The following MTFR1 variants were observed in gnomAD, a reference collection of about 807,000 sequenced individuals.
MTFR1 encodes the protein mitochondrial fission regulator 1, also known as chondrocyte protein with a poly-proline region.
A neutral mutation model predicts 38.8 loss-of-function variants in MTFR1; 28 were observed. That is an observed-to-expected ratio of 0.72 (90% CI 0.53 to 0.99). MTFR1 has a LOEUF of 0.99. MTFR1 is among the 50% of genes least tolerant of loss of function. The probability of loss-of-function intolerance (pLI) is 0.00; values close to 1 mark genes in which losing one functional copy is unlikely to be tolerated. For synonymous variants in MTFR1, 145 were observed against 137.0 expected, an observed-to-expected ratio of 1.06 and a Z score of -0.41; for missense variants, 358 against 395.5, an observed-to-expected ratio of 0.91 and a Z score of 0.81.
chr8:65,712,397 T>C (rs1336286341), downstream of MTFR1, among the ~76,000 whole-genome samples: 1 of 152,160 alleles, frequency 6.6e-6, no homozygotes, highest in African/African-American at 2.4e-5. Flanking sequence ...CTGATGAGCT[T>C]TTCCAATCAG....
chr8:65,777,756 CTG>C, the MTFR1 span, among the ~76,000 whole-genome samples: 1 of 152,142 alleles, frequency 6.6e-6, no homozygotes, highest in African/African-American at 2.4e-5. Context: ...ATGAAACCAT[CTG>C]TTTCTGGCAA....
At chr8:65,762,934 C>A (rs1238489447) in intron 3 of MTFR1, among the ~76,000 whole-genome samples, 1 of 150,476 alleles carries the variant, frequency 6.6e-6, no homozygotes, top group Non-Finnish European at 1.5e-5. Context: ...CCCAGGAGTT[C>A]GAGACCAGCC....
chr8:65,663,030 T>TTG (rs1371053139), intron 1 of MTFR1, among the ~76,000 whole-genome samples: 3 of 151,846 alleles, frequency 2.0e-5, no homozygotes, highest in Non-Finnish European at 4.4e-5. Flanking sequence ...CTGGGAGGTG[T>TTG]ACTCAACAGC....
chr8:65,776,474 C>T, the MTFR1 span, among the ~76,000 whole-genome samples: 1 of 152,092 alleles, frequency 6.6e-6, no homozygotes, highest in African/African-American at 2.4e-5. Flanking sequence ...TAAACCTATA[C>T]AGATCAATTT....
chr8:65,730,872 A>G (rs1019749338), intron 3 of MTFR1, among the ~76,000 whole-genome samples: 2 of 152,166 alleles, frequency 1.3e-5, no homozygotes, highest in African/African-American at 4.8e-5. Context: ...GCAGTGAGCT[A>G]AGATTGTGCC....
chr8:65,669,168 C>T (rs1406031021), intron 1 of MTFR1, among the ~76,000 whole-genome samples: 5 of 152,144 alleles, frequency 3.3e-5, no homozygotes, highest in Admixed American at 1.3e-4. Context: ...TGCTACGACA[C>T]GTGAGCTGTG....
chr8:65,653,410 G>A (rs1342687285), intron 1 of MTFR1, among the ~76,000 whole-genome samples: 2 of 152,146 alleles, frequency 1.3e-5, no homozygotes, highest in African/African-American at 4.8e-5. Flanking sequence ...TTCTCGGGAG[G>A]CTGAGGCCCA....
intron 3 of MTFR1, among the ~76,000 whole-genome samples, chr8:65,763,513 C>T (rs1020868550): frequency 1.3e-5 from 2 of 151,990 alleles, no homozygotes; most frequent in South Asian, 2.1e-4. Flanking sequence ...TGAGGTGAGC[C>T]GAGATCATGC....
intron 3 of MTFR1, among the ~76,000 whole-genome samples, chr8:65,756,219 G>T (rs536623425): frequency 1.3e-5 from 2 of 152,264 alleles, no homozygotes; most frequent in South Asian, 2.1e-4. Context: ...TCAACAATTT[G>T]ACTATAGTGT....
chr8:65,668,092 G>A (rs1804443793), intron 1 of MTFR1, among the ~76,000 whole-genome samples: 1 of 152,100 alleles, frequency 6.6e-6, no homozygotes, highest in African/African-American at 2.4e-5. Flanking sequence ...ATGAGATAAA[G>A]GGCTTACATC....
At chr8:65,660,311 A>C (rs1244982548) in intron 1 of MTFR1, among the ~76,000 whole-genome samples, 2 of 143,076 alleles carry the variant, frequency 1.4e-5, no homozygotes, top group African/African-American at 5.1e-5. Context: ...AAAAAAAAAG[A>C]CAAAAAAAAA....
intron 1 of MTFR1, among the ~76,000 whole-genome samples, chr8:65,660,736 A>G (rs1809390509): frequency 6.6e-6 from 1 of 152,230 alleles, no homozygotes; most frequent in South Asian, 2.1e-4. Context: ...CTGACTAAAT[A>G]CACTGTTTAA....
intron 3 of MTFR1, among the ~76,000 whole-genome samples, chr8:65,685,369 A>G (rs956933292): frequency 1.3e-5 from 2 of 152,224 alleles, no homozygotes; most frequent in African/African-American, 4.8e-5. Flanking sequence ...CATACAGTCA[A>G]TTCAGAATAA....
chr8:65,705,769 T>G (rs1421327195), intron 5 of MTFR1, among the ~76,000 whole-genome samples: 8 of 152,244 alleles, frequency 5.3e-5, no homozygotes, highest in Non-Finnish European at 7.3e-5. Flanking sequence ...GTATATAAAA[T>G]GCCTTTAACA....
intron 3 of MTFR1, among the ~76,000 whole-genome samples, chr8:65,692,580 T>C (rs1805313620): frequency 6.6e-6 from 1 of 152,102 alleles, no homozygotes; most frequent in Non-Finnish European, 1.5e-5. Flanking sequence ...CCTCAAGTGA[T>C]CCGCCTGCCT....
chr8:65,723,100 CA>C (rs1231447970), intron 3 of MTFR1: 3 of 153,154 alleles, frequency 2.0e-5, no homozygotes, highest in African/African-American at 7.2e-5. Flanking sequence ...ATTTAATCAA[CA>C]GGCAGTGGTA....
At chr8:65,754,050 CA>C (rs1808098494) in intron 3 of MTFR1, among the ~76,000 whole-genome samples, 1 of 152,052 alleles carries the variant, frequency 6.6e-6, no homozygotes, top group Non-Finnish European at 1.5e-5. Context: ...CACAAGGTCC[CA>C]CAATAGGGCA....
intron 3 of MTFR1, among the ~76,000 whole-genome samples, chr8:65,750,520 G>GTC (rs1807896105): frequency 6.7e-6 from 1 of 150,160 alleles, no homozygotes; most frequent in African/African-American, 2.5e-5. Context: ...GTGTCTGTGT[G>GTC]TGTGTGAGAC....
At chr8:65,721,883 A>T (rs1182324486) in intron 3 of MTFR1, 1 of 143,316 alleles carries the variant, frequency 7.0e-6, no homozygotes, top group African/African-American at 2.6e-5. Context: ...ATATTGGCTC[A>T]CTGCAACCTC....
Sources: allele counts gnomAD v4.1 joint callset (sites outside exome capture counted in the v4.1 genomes callset), GRCh38; gene constraint gnomAD v4.1.1; transcripts MANE v1.5; gene names NCBI Gene and HGNC (gene_info 2026-07-23, HGNC 2026-07-21).